Variants in BCAR3 observed in about 807,000 individuals in gnomAD.
BCAR3 encodes the protein breast cancer anti-estrogen resistance protein 3.
Under a neutral mutation model 80.1 loss-of-function variants are expected in BCAR3, and 37 were observed. The ratio of observed to expected loss-of-function variants is 0.46; its 90% CI spans 0.36 to 0.61. The LOEUF (loss-of-function observed/expected upper bound fraction) is 0.61, where lower values mean the gene tolerates loss of function less well. BCAR3 is among the 20% of genes least tolerant of loss of function. The pLI, the probability that BCAR3 is intolerant of heterozygous loss-of-function variation, is 0.00. For missense variants in BCAR3, 978 were observed against 1,068.2 expected, an observed-to-expected ratio of 0.92 and a Z score of 1.18; for synonymous variants, 389 against 418.9, an observed-to-expected ratio of 0.93 and a Z score of 0.87.
intron 2 of BCAR3, among the ~76,000 whole-genome samples, chr1:93,642,874 C>T (rs1022586896): frequency 6.6e-5 from 10 of 152,216 alleles, no homozygotes; most frequent in Non-Finnish European, 2.9e-5. Context: ...CTGTTACCCA[C>T]CCACTCCTGG....
chr1:93,742,330 C>A (rs1450868375), intron 2 of BCAR3, among the ~76,000 whole-genome samples: 2 of 152,138 alleles, frequency 1.3e-5, no homozygotes, highest in Non-Finnish European at 2.9e-5. Flanking sequence ...ATGTAACCAC[C>A]AAAACTGTGT....
chr1:93,584,209 C>T, intron 5 of BCAR3, 88 bp from the exon 6 acceptor site: 1 of 1,194,818 alleles, frequency 8.4e-7, no homozygotes, highest in Non-Finnish European at 1.2e-6. Context: ...TAAACAAAAA[C>T]AAAAAAAAAG....
At chr1:93,660,669 A>G (rs1326300718) in intron 2 of BCAR3, among the ~76,000 whole-genome samples, 1 of 152,250 alleles carries the variant, frequency 6.6e-6, no homozygotes, top group East Asian at 1.9e-4. Flanking sequence ...AATATTGTGC[A>G]TATAGCCTTT....
At chr1:93,656,541 CT>C (rs201706233) in intron 2 of BCAR3, among the ~76,000 whole-genome samples, 4,306 of 148,310 alleles carry the variant, frequency 0.029, 91 homozygotes, top group East Asian at 0.081. Flanking sequence ...ATGATTTTAT[CT>C]TTTTAAAAAA....
intron 3 of BCAR3, among the ~76,000 whole-genome samples, chr1:93,618,679 G>A (rs548184414): frequency 1.2e-4 from 19 of 152,140 alleles, no homozygotes; most frequent in African/African-American, 3.6e-4. Context: ...TGTTTTTAGC[G>A]TTCAGGCAAA....
chr1:93,764,840 T>C (rs912616465), intron 2 of BCAR3, among the ~76,000 whole-genome samples: 1 of 152,208 alleles, frequency 6.6e-6, no homozygotes, highest in African/African-American at 2.4e-5. Flanking sequence ...TGAGCACTTC[T>C]GCCTCCTAAG....
intron 1 of BCAR3, among the ~76,000 whole-genome samples, chr1:93,846,129 A>C (rs1655167708): frequency 6.6e-6 from 1 of 151,014 alleles, no homozygotes; most frequent in Non-Finnish European, 1.5e-5. Flanking sequence ...TACCCGCCCC[A>C]TAGCTTCGTC....
chr1:93,614,062 G>A (rs968125680), intron 3 of BCAR3: 110 of 1,441,198 alleles, frequency 7.6e-5, no homozygotes, highest in Admixed American at 1.8e-4. Context: ...GTCGGCAGCC[G>A]GGGGAGTGAG....
intron 3 of BCAR3, among the ~76,000 whole-genome samples, chr1:93,693,665 A>G (rs1649279586): frequency 6.6e-6 from 1 of 152,216 alleles, no homozygotes; most frequent in African/African-American, 2.4e-5. Context: ...CCTTTAAAAC[A>G]CTTTATACAA....
intron 1 of BCAR3, among the ~76,000 whole-genome samples, chr1:93,676,085 C>G (rs931930497): frequency 5.9e-5 from 9 of 152,144 alleles, no homozygotes; most frequent in African/African-American, 2.2e-4. Context: ...GAGAGCTGCC[C>G]CTTAGTCTGT....
intron 3 of BCAR3, among the ~76,000 whole-genome samples, chr1:93,616,156 T>C (rs1453220040): frequency 1.3e-5 from 2 of 152,258 alleles, no homozygotes; most frequent in Non-Finnish European, 2.9e-5. Context: ...TACCTGAGGT[T>C]TTCTCTGTTT....
At chr1:93,594,037 T>C (rs1036967892) in intron 3 of BCAR3, among the ~76,000 whole-genome samples, 8 of 152,222 alleles carry the variant, frequency 5.3e-5, no homozygotes, top group Admixed American at 4.6e-4. Context: ...ATTAATATTG[T>C]ACGGCTTCAT....
intron 2 of BCAR3, among the ~76,000 whole-genome samples, chr1:93,741,006 C>T (rs1055331821): frequency 2.0e-5 from 3 of 152,294 alleles, no homozygotes; most frequent in South Asian, 2.1e-4. Context: ...AGGGTGAAAG[C>T]GTGGCTTTTT....
chr1:93,684,740 T>C (rs1428291147), upstream of BCAR3, among the ~76,000 whole-genome samples: 2 of 152,210 alleles, frequency 1.3e-5, no homozygotes, highest in Non-Finnish European at 2.9e-5. Flanking sequence ...GTTTTTTGTT[T>C]TTTGTTTTTG....
chr1:93,819,568 A>G (rs2100816819), intron 2 of BCAR3, among the ~76,000 whole-genome samples: 1 of 152,098 alleles, frequency 6.6e-6, no homozygotes, highest in East Asian at 1.9e-4. Flanking sequence ...TTATTTTTTG[A>G]GGAACAAACT....
intron 5 of BCAR3, among the ~76,000 whole-genome samples, chr1:93,587,123 T>C (rs1331528340): frequency 6.6e-6 from 1 of 152,166 alleles, no homozygotes. Context: ...AAAGAGCAAA[T>C]CTTTTGCCCA....
intron 2 of BCAR3, among the ~76,000 whole-genome samples, chr1:93,816,581 G>A (rs1654022250): frequency 7.0e-6 from 1 of 142,832 alleles, no homozygotes; most frequent in Admixed American, 7.6e-5. Flanking sequence ...TGAGGCAGGA[G>A]AATCGCTTGA....
intron 2 of BCAR3, 63 bp from the exon 3 acceptor site, chr1:93,642,406 A>G: frequency 6.8e-7 from 1 of 1,471,372 alleles, no homozygotes; most frequent in Non-Finnish European, 9.5e-7. Flanking sequence ...ATTGAGTATA[A>G]TGTGTCCAAC....
At chr1:93,737,760 T>C (rs765950270) in intron 2 of BCAR3, among the ~76,000 whole-genome samples, 3 of 152,136 alleles carry the variant, frequency 2.0e-5, no homozygotes, top group African/African-American at 4.8e-5. Context: ...AAGAGTGAGG[T>C]ATGAACAATT....
Sources: gnomAD v4.1 joint callset for allele counts (sites outside exome capture counted in the v4.1 genomes callset) on GRCh38, gnomAD v4.1.1 for gene constraint, MANE v1.5 for transcripts, NCBI Gene and HGNC (gene_info 2026-07-23, HGNC 2026-07-21) for gene names.